SLC6A5: variants seen among roughly 807,000 people sequenced by gnomAD.
SLC6A5 encodes solute carrier family 6 member 5.
SLC6A5 carries 58 observed loss-of-function variants against 90.5 expected under a neutral mutation model. The observed-to-expected ratio is 0.64, with a 90% CI of 0.52 to 0.80. The LOEUF (loss-of-function observed/expected upper bound fraction) is 0.80. SLC6A5 is among the 30% of genes least tolerant of loss of function. The pLI, the probability that SLC6A5 is intolerant of heterozygous loss-of-function variation, is 0.00. For synonymous variants in SLC6A5, 427 were observed against 401.4 expected (o/e 1.06, Z -0.76); for missense variants, 1,015 against 1,017.6 (o/e 1.00, Z 0.03).
chr11:20,637,386 C>G (rs1853230518), intron 12 of SLC6A5, 83 bp downstream of exon 12: 3 of 1,266,756 alleles, frequency 2.4e-6, no homozygotes, highest in African/African-American at 1.5e-5. Flanking sequence ...ACCCTTAGCT[C>G]TCAGACCTTA....
At chr11:20,643,896 C>T (rs1198965584) in intron 13 of SLC6A5, among the ~76,000 whole-genome samples, 1 of 152,070 alleles carries the variant, frequency 6.6e-6, no homozygotes, top group Non-Finnish European at 1.5e-5. Context: ...TCAGTCTGAG[C>T]TTGGTAGGAA....
chr11:20,626,346 G>A lies in SLC6A5; in HGVS notation c.1261-362G>A, dbSNP rs146840730. Among the ~76,000 whole-genome samples, 9 of 152,044 alleles carry A rather than the reference G, an allele frequency of 5.9e-5. No individual in the cohort carries two copies. In the South Asian group the frequency reaches 6.3e-4, roughly 11 times the overall value. Reference sequence around the variant, plus strand: ...CTAATAGGATTCATCTTTAATGGTGGAATTTTGGTGCTCTAGCGGGCATGG... The same window carrying A: ...CTAATAGGATTCATCTTTAATGGTGAAATTTTGGTGCTCTAGCGGGCATGG... On this transcript the variant is annotated intron_variant, in intron 7 of 15. Coordinates refer to ENST00000525748, the MANE Select transcript of SLC6A5 (RefSeq NM_004211.5).
At chr11:20,625,914 T>G (rs1396663330) in intron 7 of SLC6A5, among the ~76,000 whole-genome samples, 1 of 152,246 alleles carries the variant, frequency 6.6e-6, no homozygotes, top group African/African-American at 2.4e-5. Flanking sequence ...TAGCTCATTA[T>G]TCAGACATTG....
At chr11:20,633,369 T>G (rs1488632865) in intron 10 of SLC6A5, among the ~76,000 whole-genome samples, 1 of 152,246 alleles carries the variant, frequency 6.6e-6, no homozygotes, top group Non-Finnish European at 1.5e-5. Context: ...CAAACAGCAC[T>G]GATGTCCCAC....
chr11:20,614,784 A>T lies in SLC6A5; in HGVS notation c.1091A>T (p.Asn364Ile). The T allele has an allele frequency of 6.2e-7, 1 of 1,614,088 alleles. No individual in the cohort carries two copies. The highest frequency in any genetic ancestry group is 8.5e-7 in the Non-Finnish European group (1 of 1,179,884). Residue 364 changes from asparagine (N) to isoleucine (I), a missense_variant, in exon 6 of 16, where the codon AAT (asparagine) becomes ATT (isoleucine). Around this residue, in one of 3 missense-constraint regions of SLC6A5, gnomAD observed 567 missense variants for 507.3 expected, o/e 1.12. Transcript: ENST00000525748. ...ATGGTTAATTTCACCAGCCAGGCCA[A>T]TAAGACATTTGTCAGTGGAAGTGAA... ...VTMVNFTSQA[N>I]KTFVSGSEEY...
At chr11:20,634,698 G>A (rs1328425753) in intron 10 of SLC6A5, among the ~76,000 whole-genome samples, 5 of 152,344 alleles carry the variant, frequency 3.3e-5, no homozygotes, top group African/African-American at 7.2e-5. Context: ...CAATAAATGC[G>A]TAAAGCGGGG....
At position 20,626,716 on chromosome 11, in the gene SLC6A5, C is replaced by G; in HGVS notation, c.1269C>G (p.Tyr423Ter). 1 of 1,614,084 alleles carries G rather than the reference C, an allele frequency of 6.2e-7. No homozygotes were observed. Among genetic ancestry groups the G allele is most frequent in the Non-Finnish European group, 8.5e-7 (1 of 1,179,956 alleles). ...GCCCATGGCTTTTCTAGGTGGTGTACTTCACGGCCACGTTCCCGTATGTCG... is the reference window on the plus strand; with the variant it reads ...GCCCATGGCTTTTCTAGGTGGTGTAGTTCACGGCCACGTTCCCGTATGTCG... Reference protein sequence around the residue: ...KGIKTSGKVVYFTATFPYVVL... With the variant: ...KGIKTSGKVV Residue 423 changes from tyrosine (Y) to a stop codon, truncating the protein, a stop_gained, in exon 8 of 16, where the codon TAC becomes TAG. Coordinates refer to ENST00000525748, the MANE Select transcript of SLC6A5 (RefSeq NM_004211.5). LOFTEE classifies it high-confidence loss of function.
rs577102183 is a variant in SLC6A5, at chr11:20,634,032, C to T, written c.1625-2275C>T. ...GACTACAGGCGCCCCCCACTACGCC[C>T]GGCTAATTTTTGTATTTTTAGTAGA... On this transcript the variant is annotated intron_variant, in intron 10 of 15. Coordinates refer to ENST00000525748, the MANE Select transcript of SLC6A5 (RefSeq NM_004211.5). Among the ~76,000 whole-genome samples the T allele has an allele frequency of 3.7e-4, 56 of 152,214 alleles. 1 individual carries two copies. Among genetic ancestry groups the T allele is most frequent in the South Asian group, 3.3e-3 (16 of 4,812 alleles).
intron 9 of SLC6A5, among the ~76,000 whole-genome samples, chr11:20,629,519 C>A (rs961452156): frequency 6.6e-6 from 1 of 152,070 alleles, no homozygotes; most frequent in Non-Finnish European, 1.5e-5. Flanking sequence ...TTAAATGACA[C>A]ATAGTAATTA....
chr11:20,621,341 T>C (rs910640702), intron 7 of SLC6A5, among the ~76,000 whole-genome samples: 1 of 152,220 alleles, frequency 6.6e-6, no homozygotes, highest in Non-Finnish European at 1.5e-5. Context: ...GTTAGAATAT[T>C]CTCTAGGATT....
chr11:20,632,144 T>G (rs986266894), intron 10 of SLC6A5, among the ~76,000 whole-genome samples: 3 of 152,118 alleles, frequency 2.0e-5, no homozygotes, highest in Non-Finnish European at 4.4e-5. Context: ...ACGGGTTTTG[T>G]CCTTAGAGGT....
Position 20,655,079 on chromosome 11 carries a change from T to C in SLC6A5, c.*211T>C. Reference sequence around the variant, plus strand: ...GACCACCTGAAGCGCTGTTTGCCTGTGCCCATGGTGACTGTTTCTGGTCAG... The same window carrying C: ...GACCACCTGAAGCGCTGTTTGCCTGCGCCCATGGTGACTGTTTCTGGTCAG... On this transcript the variant is annotated 3_prime_UTR_variant, in exon 16 of 16. Coordinates refer to ENST00000525748, the MANE Select transcript of SLC6A5 (RefSeq NM_004211.5). The C allele has an allele frequency of 1.7e-6, 1 of 589,944 alleles. No homozygotes were observed. Among genetic ancestry groups the C allele is most frequent in the South Asian group, 1.7e-5 (1 of 57,164 alleles). The allele number at this position is 589,944 out of a possible 1,614,324, so 36.5% of individuals were successfully genotyped here.
At chr11:20,643,495 T>C (rs1422787432) in intron 13 of SLC6A5, among the ~76,000 whole-genome samples, 1 of 152,186 alleles carries the variant, frequency 6.6e-6, no homozygotes, top group African/African-American at 2.4e-5. Flanking sequence ...GCGTCATGGA[T>C]TGACCTCTCC....
At chr11:20,612,756 G>A (rs562130990) in intron 5 of SLC6A5, among the ~76,000 whole-genome samples, 1 of 152,334 alleles carries the variant, frequency 6.6e-6, no homozygotes, top group Admixed American at 6.5e-5. Flanking sequence ...TTGGGCTCAA[G>A]CCATCCTCCT....
intron 9 of SLC6A5, among the ~76,000 whole-genome samples, chr11:20,628,616 T>G (rs7934790): frequency 0.98 from 148,738 of 152,314 alleles, 72,742 homozygotes; most frequent in Middle Eastern, 1. Context: ...AATTTGGTAG[T>G]GATAGGGGAG....
rs775985013 is a variant in SLC6A5, at chr11:20,654,791, A to G, written c.2317A>G (p.Met773Val). The change falls in exon 16 of 16, where the codon ATG (methionine) becomes GTG (valine). Residue 773 changes from methionine (M) to valine (V), a missense_variant. Transcript: ENST00000525748. ...ACACCGCGGGGAGCGTTACAAGAAC[A>G]TGATCGACCCCTTGGGAACCTCTTC... The part of the protein sequence containing the change: ...AQHRGERYKN[M>V]IDPLGTSSLG... 5.6e-6 allele frequency: 9 copies of G among 1,614,146 alleles called. No homozygotes were observed. Among genetic ancestry groups the G allele is most frequent in the Non-Finnish European group, 6.8e-6 (8 of 1,180,010 alleles).
chr11:20,616,343 G>T (rs1301756587), intron 6 of SLC6A5, among the ~76,000 whole-genome samples: 1 of 152,150 alleles, frequency 6.6e-6, no homozygotes, highest in Non-Finnish European at 1.5e-5. Context: ...CTGAAAGACC[G>T]CCAAAAGCAG....
rs202063625 is a variant in SLC6A5 at position 20,637,293 on chromosome 11, T to C, written c.1859T>C (p.Met620Thr). The C allele has an allele frequency of 6.2e-7, 1 of 1,613,332 alleles. No individual in the cohort carries two copies. Among genetic ancestry groups the C allele is most frequent in the East Asian group, 2.2e-5 (1 of 44,806 alleles). Reference protein sequence around the residue: ...CICFFIMGFPMITQGGIYMFQ... With the variant: ...CICFFIMGFPTITQGGIYMFQ... ...TGTTTCTTCATCATGGGTTTTCCAA[T>C]GATCACTCAGGTAAGCTGCCTCCTA... Residue 620 changes from methionine to threonine, a missense_variant, in exon 12 of 16, where the codon ATG becomes ACG. Met to Thr is a moderately conservative substitution (Grantham distance 81). Around this residue, in one of 3 missense-constraint regions of SLC6A5, gnomAD observed 442 missense variants for 494.3 expected, o/e 0.89. Coordinates refer to ENST00000525748, the MANE Select transcript of SLC6A5 (RefSeq NM_004211.5).
At chr11:20,636,273 G>A (rs752994011) in intron 10 of SLC6A5, 34 bp from the exon 11 acceptor site, 3 of 1,347,866 alleles carry the variant, frequency 2.2e-6, no homozygotes, top group East Asian at 2.3e-5. Context: ...CTTGAGTAGG[G>A]CCTGCCTGCA....
Sources: gnomAD v4.1 joint callset for allele counts (sites outside exome capture counted in the v4.1 genomes callset) on GRCh38, gnomAD v4.1.1 for gene constraint, gnomAD v4.1.1 regional missense constraint, MANE v1.5 for transcripts, NCBI Gene and HGNC (gene_info 2026-07-23, HGNC 2026-07-21) for gene names.